NSUN6: variants seen among roughly 807,000 people sequenced by gnomAD.
NSUN6 encodes the protein NOP2/Sun RNA methyltransferase 6.
A neutral mutation model predicts 58.0 loss-of-function variants in NSUN6; 64 were observed. The observed-to-expected ratio is 1.10, with a 90% CI of 0.90 to 1.36. NSUN6 has a LOEUF of 1.36. Among genes scored for constraint, NSUN6 ranks in the 40% most tolerant of loss-of-function variants. The pLI is 0.00. For missense variants in NSUN6, 701 were observed against 550.1 expected, an observed-to-expected ratio of 1.27 and a Z score of -2.74; for synonymous variants, 231 against 193.9, an observed-to-expected ratio of 1.19 and a Z score of -1.59.
At chr10:18,590,806 A>T (rs984110247) in intron 7 of NSUN6, among the ~76,000 whole-genome samples, 1 of 152,238 alleles carries the variant, frequency 6.6e-6, no homozygotes, top group East Asian at 1.9e-4. Flanking sequence ...ATCAAGCTGG[A>T]AAGATCTGAA....
chr10:18,586,764 G>T (rs1213530920), intron 7 of NSUN6, among the ~76,000 whole-genome samples: 1 of 151,792 alleles, frequency 6.6e-6, no homozygotes, highest in Non-Finnish European at 1.5e-5. Flanking sequence ...TGTGGAAGGG[G>T]ACCCTAGCGG....
intron 6 of NSUN6, among the ~76,000 whole-genome samples, chr10:18,605,451 T>A (rs2058014598): frequency 6.6e-6 from 1 of 152,204 alleles, no homozygotes; most frequent in Non-Finnish European, 1.5e-5. Flanking sequence ...AAAATCATTG[T>A]TCTGTAACAG....
At chr10:18,651,076 T>C (rs1382065344) in intron 1 of NSUN6, 53 bp downstream of exon 1, 2 of 1,569,358 alleles carry the variant, frequency 1.3e-6, no homozygotes, top group Non-Finnish European at 1.7e-6. Flanking sequence ...CTCTCGAGTG[T>C]GCGAATATTT....
At chr10:18,546,350 T>C (rs1041050584) in intron 10 of NSUN6, among the ~76,000 whole-genome samples, 1 of 152,206 alleles carries the variant, frequency 6.6e-6, no homozygotes, top group African/African-American at 2.4e-5. Context: ...CGTCACCTGA[T>C]GAACAAATAC....
chr10:18,557,414 AGAATGGAATGGAATGGAGAATG>A (rs1279027855), intron 8 of NSUN6, among the ~76,000 whole-genome samples: 2 of 150,508 alleles, frequency 1.3e-5, no homozygotes, highest in Non-Finnish European at 3.0e-5. Context: ...AATGGAATGG[AGAATGGAATGGAATGGAGAATG>A]GAATGAAATG....
Position 18,548,303 on chromosome 10 carries a change from A to G in NSUN6, c.1072-66T>C, listed in dbSNP as rs1049935081. 12 of 1,368,138 alleles carry G rather than the reference A, an allele frequency of 8.8e-6. No homozygotes were observed. The Admixed American group carries it at 2.1e-4, about 24-fold the overall frequency. 84.7% of individuals were successfully genotyped at this position (1,368,138 alleles called of 1,614,324 possible). A position where few individuals can be genotyped will look rare whatever the true frequency, so the allele number is the denominator to read the frequency against. On this transcript the variant is annotated intron_variant, in intron 9 of 10. Coordinates refer to ENST00000377304, the MANE Select transcript of NSUN6 (RefSeq NM_182543.5). ...AGATAAACATATGAATGAATTTCAAAGCAAAAGGTATAATGTCTTTCAAAT... is the reference window on the plus strand; with the variant it reads ...AGATAAACATATGAATGAATTTCAAGGCAAAAGGTATAATGTCTTTCAAAT...
intron 7 of NSUN6, among the ~76,000 whole-genome samples, chr10:18,588,510 G>T (rs2057257796): frequency 6.6e-6 from 1 of 152,200 alleles, no homozygotes; most frequent in South Asian, 2.1e-4. Context: ...GGGGTCGACA[G>T]ACACCTCATG....
intron 8 of NSUN6, among the ~76,000 whole-genome samples, chr10:18,573,413 C>G (rs184833451): frequency 6.6e-6 from 1 of 151,292 alleles, no homozygotes; most frequent in African/African-American, 2.4e-5. Context: ...TCCATTCCAT[C>G]GGTTCCATTT....
At chr10:18,624,285 G>C (rs1201841034) in intron 3 of NSUN6, among the ~76,000 whole-genome samples, 1 of 151,882 alleles carries the variant, frequency 6.6e-6, no homozygotes, top group Non-Finnish European at 1.5e-5. Flanking sequence ...CCATTTTAGA[G>C]ATAAGAAAAG....
intron 5 of NSUN6, among the ~76,000 whole-genome samples, chr10:18,611,948 C>G (rs914375587): frequency 5.9e-5 from 9 of 152,138 alleles, no homozygotes; most frequent in Admixed American, 5.9e-4. Context: ...TACTACCTTA[C>G]TCATTTGTTT....
In NSUN6 at chr10:18,546,108, C is replaced by A; in HGVS notation, c.1235G>T (p.Gly412Val). Residue 412 changes from glycine (G) to valine (V), a missense_variant, in exon 11 of 11, where the codon GGG (glycine) becomes GTG (valine). Physicochemically the swap from Gly to Val is moderately radical, Grantham distance 109 (BLOSUM62 -3). Coordinates refer to ENST00000377304, the MANE Select transcript of NSUN6 (RefSeq NM_182543.5). ...QIGGEGMRGA[G>V]LSCEQLKQLQ... ...CTGTTTCAACTGTTCACATGAGAGC[C>A]CAGCTCCCCTCATTCCTTCTCCTCC... The A allele has an allele frequency of 6.2e-7, 1 of 1,613,464 alleles. No homozygotes were observed.
At chr10:18,624,621 C>G (rs955542634) in intron 3 of NSUN6, among the ~76,000 whole-genome samples, 4 of 116,458 alleles carry the variant, frequency 3.4e-5, no homozygotes, top group African/African-American at 1.4e-4. Flanking sequence ...GAACTTCAGC[C>G]TGGGAGACAG....
intron 7 of NSUN6, among the ~76,000 whole-genome samples, chr10:18,586,684 G>T (rs958102445): frequency 2.0e-5 from 3 of 152,222 alleles, no homozygotes; most frequent in African/African-American, 7.2e-5. Context: ...GCTCACAAAG[G>T]TAGTGCAGAC....
chr10:18,559,070 GGAATGGAATGGA>G (rs1275495338), intron 8 of NSUN6, among the ~76,000 whole-genome samples: 2 of 150,770 alleles, frequency 1.3e-5, no homozygotes, highest in South Asian at 2.1e-4. Flanking sequence ...TATGGAGAAT[GGAATGGAATGGA>G]GAATGGAATG....
At position 18,596,309 on chromosome 10, in the gene NSUN6, C is replaced by A; in HGVS notation, c.676G>T (p.Val226Leu). 2 of 1,588,342 alleles carry A rather than the reference C, an allele frequency of 1.3e-6. No individual in the cohort carries two copies. Among genetic ancestry groups the A allele is most frequent in the African/African-American group, 1.3e-5 (1 of 74,558 alleles). The change falls in exon 7 of 11, where the codon GTA becomes TTA. Residue 226 changes from valine to leucine, a missense_variant. Transcript: ENST00000377304. ...GGTTGAGGATTTAGTACATGACTTA[C>A]TAAGGCAGATGGCAAATTCTATAAG... Reference protein sequence around the residue: ...LFLQNLPSALVSHVLNPQPGE... With the variant: ...LFLQNLPSALLSHVLNPQPGE...
Position 18,648,523 on chromosome 10 carries a change from ATGT to A in NSUN6, c.195_197del (p.Gln65del), listed in dbSNP as rs752881375. ...GTTCATCAAGTAACAGATTTTTCAC[ATGT>A]TGTACTGAGGCTAAATGTGTATTCA... On this transcript the variant is annotated inframe_deletion, in exon 2 of 11. Coordinates refer to ENST00000377304, the MANE Select transcript of NSUN6 (RefSeq NM_182543.5). The A allele has an allele frequency of 2.0e-5, 32 of 1,608,454 alleles. No homozygotes were observed. The highest frequency in any genetic ancestry group is 3.3e-4 in the Middle Eastern group (2 of 6,074).
chr10:18,576,985 C>T lies in NSUN6; in HGVS notation c.922+8964G>A, dbSNP rs1318507173. ...CGCAATTGGAGTCTCATGGGGAATACCAGATCAATTTAAAGCCTGAGATCA... is the reference window on the plus strand; with the variant it reads ...CGCAATTGGAGTCTCATGGGGAATATCAGATCAATTTAAAGCCTGAGATCA... On this transcript the variant is annotated intron_variant, in intron 8 of 10. Coordinates refer to ENST00000377304, the MANE Select transcript of NSUN6 (RefSeq NM_182543.5). Among the ~76,000 whole-genome samples the T allele has an allele frequency of 2.0e-5, 3 of 152,136 alleles. No homozygotes were observed. The East Asian group carries it at 5.8e-4, about 29-fold the overall frequency.
intron 7 of NSUN6, among the ~76,000 whole-genome samples, chr10:18,587,749 G>T (rs2057220536): frequency 6.6e-6 from 1 of 152,144 alleles, no homozygotes. Context: ...TACCCAGGCT[G>T]GGTACTACGC....
intron 8 of NSUN6, among the ~76,000 whole-genome samples, chr10:18,553,539 G>A (rs1403108706): frequency 6.6e-6 from 1 of 151,540 alleles, no homozygotes; most frequent in Non-Finnish European, 1.5e-5. Context: ...AGAATGGAAT[G>A]AAAGGGAGGA....
Sources: allele counts gnomAD v4.1 joint callset (sites outside exome capture counted in the v4.1 genomes callset), GRCh38; gene constraint gnomAD v4.1.1; transcripts MANE v1.5; gene names NCBI Gene and HGNC (gene_info 2026-07-23, HGNC 2026-07-21).